Variants in SORCS2 observed in about 807,000 individuals in gnomAD.
The protein encoded by SORCS2 is sortilin related VPS10 domain containing receptor 2, also known as VPS10 domain-containing receptor SorCS2.
A neutral mutation model predicts 141.6 loss-of-function variants in SORCS2; 100 were observed. The ratio of observed to expected loss-of-function variants is 0.71; its 90% CI spans 0.60 to 0.83. SORCS2 has a LOEUF of 0.83. Ranked by LOEUF, SORCS2 falls within the 40% of genes least tolerant of loss-of-function variation. SORCS2 has a pLI of 0.00. For synonymous variants in SORCS2, 789 were observed against 676.9 expected, an observed-to-expected ratio of 1.17 and a Z score of -2.57; for missense variants, 1,646 against 1,560.2, an observed-to-expected ratio of 1.05 and a Z score of -0.93.
rs560609397 is a variant in SORCS2 at position 7,199,924 on chromosome 4, C to T, written c.480+6798C>T. On this transcript the variant is annotated intron_variant, in intron 1 of 26. Transcript: ENST00000507866. ...CTTGCTGGGTCCTTGCCTGAGGGACCGACACTCCCGGGGAATGCGAGCAGG... is the reference window on the plus strand; with the variant it reads ...CTTGCTGGGTCCTTGCCTGAGGGACTGACACTCCCGGGGAATGCGAGCAGG... 4.1e-4 allele frequency among the ~76,000 whole-genome samples: 63 copies of T among 152,084 alleles called. No individual in the cohort carries two copies. In the South Asian group the frequency reaches 0.013, roughly 30 times the overall value.
intron 1 of SORCS2, among the ~76,000 whole-genome samples, chr4:7,373,313 T>C (rs1408651312): frequency 6.6e-6 from 1 of 151,264 alleles, no homozygotes; most frequent in Non-Finnish European, 1.5e-5. Context: ...TTAATTTGCA[T>C]TTCCCTAATA....
chr4:7,351,643 C>T (rs968312315), intron 1 of SORCS2, among the ~76,000 whole-genome samples: 2 of 152,082 alleles, frequency 1.3e-5, no homozygotes, highest in Non-Finnish European at 2.9e-5. Flanking sequence ...TGTCCCTCCT[C>T]CTATCCCTTC....
In SORCS2 at chr4:7,725,217, T is replaced by C; in HGVS notation, c.2675T>C (p.Leu892Pro). ...ATTGGCCTCAACCAGGAGGTGAACC[T>C]CACAGCTGTGCTGCTTCCCTTGAAC... ...PVIGLNQEVN[L>P]TAVLLPLNPN... The change falls in exon 20 of 27, where the codon CTC becomes CCC. Residue 892 changes from leucine (L) to proline (P), a missense_variant. Physicochemically the swap from Leu to Pro is moderately conservative, Grantham distance 98 (BLOSUM62 -3). Transcript: ENST00000507866. 1 of 1,613,612 alleles carries C rather than the reference T, an allele frequency of 6.2e-7. No homozygotes were observed. Among genetic ancestry groups the C allele is most frequent in the Non-Finnish European group, 8.5e-7 (1 of 1,179,662 alleles).
intron 2 of SORCS2, among the ~76,000 whole-genome samples, chr4:7,452,522 C>A (rs1303492986): frequency 6.6e-6 from 1 of 152,208 alleles, no homozygotes; most frequent in Non-Finnish European, 1.5e-5. Flanking sequence ...ACACACATCA[C>A]CCCCAACTGC....
chr4:7,299,572 A>G (rs1263131394), intron 1 of SORCS2, among the ~76,000 whole-genome samples: 2 of 152,126 alleles, frequency 1.3e-5, no homozygotes, highest in African/African-American at 2.4e-5. Context: ...ATCCTGGGGC[A>G]TTTTCTACTT....
chr4:7,435,078 C>T lies in SORCS2; in HGVS notation c.548+38723C>T, dbSNP rs1303643198. 3 of 594,450 alleles carry T rather than the reference C, an allele frequency of 5.0e-6. No homozygotes were observed. The African/African-American group carries it at 5.6e-5, about 11-fold the overall frequency. The allele number at this position is 594,450 out of a possible 1,614,324, so 36.8% of individuals were successfully genotyped here. ...TGGAGTGCCTGGAACACTATCCCTC[C>T]CCTCTTTTCCCCTGGATAAGATAAA... On this transcript the variant is annotated intron_variant, in intron 2 of 26. Coordinates refer to ENST00000507866, the MANE Select transcript of SORCS2 (RefSeq NM_020777.3).
intron 3 of SORCS2, among the ~76,000 whole-genome samples, chr4:7,551,678 TG>T (rs1713713291): frequency 6.6e-6 from 1 of 152,144 alleles, no homozygotes; most frequent in Admixed American, 6.5e-5. Flanking sequence ...GGCCACAAGG[TG>T]AGGCATGTAT....
chr4:7,680,939 T>C (rs951511115), intron 9 of SORCS2, among the ~76,000 whole-genome samples: 7 of 152,226 alleles, frequency 4.6e-5, no homozygotes, highest in African/African-American at 1.7e-4. Context: ...ATAATTTGTT[T>C]GCTAGTTTCC....
intron 2 of SORCS2, chr4:7,460,102 C>T (rs1305924706): frequency 1.4e-5 from 2 of 138,250 alleles, no homozygotes; most frequent in Admixed American, 7.5e-5. Context: ...AGCAGTCCCT[C>T]CCCCTGCATG....
chr4:7,614,075 C>CCATT (rs1718596547), intron 3 of SORCS2, among the ~76,000 whole-genome samples: 1 of 151,680 alleles, frequency 6.6e-6, no homozygotes, highest in Non-Finnish European at 1.5e-5. Flanking sequence ...CAACCACGAT[C>CCATT]CATTCATCCA....
At position 7,403,977 on chromosome 4, in the gene SORCS2, ATATATATATATATATATATATTT is replaced by A. The variant is rs1724768280; in HGVS notation, c.548+7624_548+7646del. Among the ~76,000 whole-genome samples the A allele has an allele frequency of 2.0e-4, 3 of 14,936 alleles. No individual in the cohort carries two copies. In the East Asian group the frequency reaches 3.1e-3, roughly 15 times the overall value. The allele number at this position is 14,936 out of a possible 152,430, so 9.8% of individuals were successfully genotyped here. A position where few individuals can be genotyped will look rare whatever the true frequency, so the allele number is the denominator to read the frequency against. ...TCCATGTGTGTATATATATATATAT[ATATATATATATATATATATATTT>A]TTTTTTTTTTTTTAGTATCCATTTA... On this transcript the variant is annotated intron_variant, in intron 2 of 26. Coordinates refer to ENST00000507866, the MANE Select transcript of SORCS2 (RefSeq NM_020777.3).
intron 1 of SORCS2, among the ~76,000 whole-genome samples, chr4:7,240,216 C>A (rs1255147304): frequency 6.6e-6 from 1 of 152,164 alleles, no homozygotes; most frequent in Non-Finnish European, 1.5e-5. Context: ...GGGCAGAGAA[C>A]AAAACACCAG....
At chr4:7,484,142 A>C (rs971952019) in intron 2 of SORCS2, among the ~76,000 whole-genome samples, 2 of 152,150 alleles carry the variant, frequency 1.3e-5, no homozygotes, top group African/African-American at 2.4e-5. Flanking sequence ...AGGCAGCTTA[A>C]AGTTATCCAT....
intron 1 of SORCS2, among the ~76,000 whole-genome samples, chr4:7,206,440 C>T (rs1056621431): frequency 2.0e-5 from 3 of 152,302 alleles, no homozygotes; most frequent in South Asian, 2.1e-4. Flanking sequence ...CCTCTGTCCT[C>T]GCAAAGCTGG....
At chr4:7,337,877 A>G (rs756887136) in intron 1 of SORCS2, among the ~76,000 whole-genome samples, 3 of 151,554 alleles carry the variant, frequency 2.0e-5, no homozygotes, top group Non-Finnish European at 4.4e-5. Flanking sequence ...CCACCCACAC[A>G]TGCTCCCACA....
intron 1 of SORCS2, among the ~76,000 whole-genome samples, chr4:7,370,143 T>C (rs1722156110): frequency 6.6e-6 from 1 of 152,146 alleles, no homozygotes; most frequent in Admixed American, 6.5e-5. Context: ...AGGCCCTTTT[T>C]TTTGCTCAAT....
At chr4:7,548,095 A>C (rs1158185414) in intron 3 of SORCS2, among the ~76,000 whole-genome samples, 1 of 152,200 alleles carries the variant, frequency 6.6e-6, no homozygotes, top group Non-Finnish European at 1.5e-5. Flanking sequence ...CAAGGAGGAG[A>C]ACATTCCTCC....
At chr4:7,241,044 C>T (rs1712660679) in intron 1 of SORCS2, among the ~76,000 whole-genome samples, 1 of 152,206 alleles carries the variant, frequency 6.6e-6, no homozygotes, top group African/African-American at 2.4e-5. Flanking sequence ...AAGAGATTCT[C>T]CTGCCTCAGC....
intron 2 of SORCS2, among the ~76,000 whole-genome samples, chr4:7,402,677 C>T (rs536978663): frequency 6.6e-5 from 10 of 152,178 alleles, no homozygotes; most frequent in Non-Finnish European, 1.3e-4. Context: ...TTCTTTTTCT[C>T]TACCTATTGC....
Sources: gnomAD v4.1 joint callset for allele counts (sites outside exome capture counted in the v4.1 genomes callset) on GRCh38, gnomAD v4.1.1 for gene constraint, MANE v1.5 for transcripts, NCBI Gene and HGNC (gene_info 2026-07-23, HGNC 2026-07-21) for gene names.